ERBB4: variants seen among roughly 807,000 people sequenced by gnomAD.
ERBB4 encodes the protein erb-b2 receptor tyrosine kinase 4.
ERBB4 carries 42 observed loss-of-function variants against 158.0 expected under a neutral mutation model. The observed-to-expected ratio is 0.27, with a 90% confidence interval of 0.21 to 0.34. The LOEUF (loss-of-function observed/expected upper bound fraction) is 0.34, where lower values mean the gene tolerates loss of function less well. Ranked by LOEUF, ERBB4 falls within the 10% of genes least tolerant of loss-of-function variation. The pLI, the probability that ERBB4 is intolerant of heterozygous loss-of-function variation, is 1.00. For synonymous variants in ERBB4, 583 were observed against 558.7 expected (o/e 1.04, Z -0.61); for missense variants, 1,333 against 1,624.1 (o/e 0.82, Z 3.08).
chr2:211,499,301 G>A (rs956514205), intron 20 of ERBB4, among the ~76,000 whole-genome samples: 2 of 152,068 alleles, frequency 1.3e-5, no homozygotes, highest in East Asian at 1.9e-4. Context: ...GAGGCAGGTG[G>A]ATCACGAGGT....
intron 9 of ERBB4, among the ~76,000 whole-genome samples, chr2:211,711,077 A>T (rs2106076948): frequency 6.6e-6 from 1 of 152,194 alleles, no homozygotes; most frequent in African/African-American, 2.4e-5. Context: ...ATGGGGTGGC[A>T]GCTACATACA....
chr2:212,490,200 A>G (rs964233920), intron 1 of ERBB4, among the ~76,000 whole-genome samples: 1 of 151,828 alleles, frequency 6.6e-6, no homozygotes, highest in Admixed American at 6.6e-5. Flanking sequence ...TTTCACACGC[A>G]TATTTCTATT....
Position 212,306,716 on chromosome 2 carries a change from A to ATT in ERBB4, c.83-181815_83-181814dup, listed in dbSNP as rs5838315. Among the ~76,000 whole-genome samples, 975 of 149,944 alleles carry ATT rather than the reference A, an allele frequency of 6.5e-3. 8 individuals carry two copies. The highest frequency in any genetic ancestry group is 0.038 in the South Asian group (183 of 4,778). On this transcript the variant is annotated intron_variant, in intron 1 of 27. Coordinates refer to ENST00000342788, the MANE Select transcript of ERBB4 (RefSeq NM_005235.3). ...ACCCTAACATTTGGTGCTGCCACTT[A>ATT]TTTTTTTTTACTAGTGTTCTAATTT... is the stretch of plus-strand genomic sequence containing the variant.
intron 20 of ERBB4, among the ~76,000 whole-genome samples, chr2:211,486,912 CTT>C (rs1363855241): frequency 2.0e-5 from 3 of 151,950 alleles, no homozygotes; most frequent in Admixed American, 2.0e-4. Flanking sequence ...TACAGAGTGT[CTT>C]TGTATAGAAT....
At chr2:211,565,047 G>A (rs1574761516) in intron 19 of ERBB4, among the ~76,000 whole-genome samples, 1 of 152,144 alleles carries the variant, frequency 6.6e-6, no homozygotes, top group Non-Finnish European at 1.5e-5. Context: ...AGCTAAGAGG[G>A]GAGTGGATGA....
chr2:211,998,698 G>A (rs1270439383), intron 2 of ERBB4, among the ~76,000 whole-genome samples: 1 of 151,752 alleles, frequency 6.6e-6, no homozygotes, highest in East Asian at 1.9e-4. Flanking sequence ...AAATGTCAAT[G>A]GCCAACCTCA....
At position 212,506,044 on chromosome 2, in the gene ERBB4, C is replaced by T. The variant is rs368463454; in HGVS notation, c.82+32405G>A. Among the ~76,000 whole-genome samples the T allele has an allele frequency of 6.4e-4, 96 of 148,940 alleles. 2 individuals are homozygous for T. Among genetic ancestry groups the T allele is most frequent in the African/African-American group, 2.3e-3 (95 of 41,230 alleles). On this transcript the variant is annotated intron_variant, in intron 1 of 27. Transcript: ENST00000342788. ...TTTCCAACAACATATGTTAATTCTG[C>T]ATCTCTGGACACATAGAATTTTGTG...
At chr2:211,414,657 A>T (rs1021088425) in intron 25 of ERBB4, among the ~76,000 whole-genome samples, 16 of 152,096 alleles carry the variant, frequency 1.1e-4, no homozygotes, top group African/African-American at 3.9e-4. Flanking sequence ...CTTTCAGTTT[A>T]GTTTTTTTAT....
At chr2:212,085,297 T>C (rs2125477991) in intron 2 of ERBB4, among the ~76,000 whole-genome samples, 1 of 152,102 alleles carries the variant, frequency 6.6e-6, no homozygotes, top group East Asian at 1.9e-4. Flanking sequence ...GTAACATTAA[T>C]GAAAATTTTA....
intron 1 of ERBB4, among the ~76,000 whole-genome samples, chr2:212,502,461 T>C (rs1690949083): frequency 1.3e-5 from 2 of 152,004 alleles, no homozygotes; most frequent in South Asian, 2.1e-4. Context: ...AACAGAAGAG[T>C]AATCATTTAC....
At chr2:212,336,888 A>G (rs1292175926) in intron 1 of ERBB4, among the ~76,000 whole-genome samples, 6 of 152,044 alleles carry the variant, frequency 3.9e-5, no homozygotes, top group Admixed American at 2.0e-4. Context: ...CTAATAAAAT[A>G]TAGATTTTGA....
intron 1 of ERBB4, among the ~76,000 whole-genome samples, chr2:212,317,832 T>TG (rs1050069493): frequency 1.9e-5 from 1 of 53,448 alleles, no homozygotes; most frequent in Non-Finnish European, 7.9e-5. Flanking sequence ...CTGTCTACAA[T>TG]GAAAAAAAAT....
intron 1 of ERBB4, among the ~76,000 whole-genome samples, chr2:212,265,348 A>C (rs1211817820): frequency 6.6e-6 from 1 of 152,120 alleles, no homozygotes; most frequent in Non-Finnish European, 1.5e-5. Flanking sequence ...AAGAAGGTGA[A>C]TTATTGTACA....
chr2:212,010,815 G>A (rs7595560), intron 2 of ERBB4, among the ~76,000 whole-genome samples: 2 of 151,740 alleles, frequency 1.3e-5, no homozygotes, highest in Non-Finnish European at 2.9e-5. Flanking sequence ...ACTCCCAGAG[G>A]GGCCGTTTAT....
At chr2:211,630,329 G>A (rs1010911005) in intron 17 of ERBB4, 133 bp downstream of exon 17, 11 of 1,002,158 alleles carry the variant, frequency 1.1e-5, no homozygotes, top group African/African-American at 4.9e-5. Flanking sequence ...TTTGTTTAAC[G>A]GACTATAAAA....
At chr2:211,773,642 AT>A (rs2075792641) in intron 4 of ERBB4, among the ~76,000 whole-genome samples, 4 of 89,258 alleles carry the variant, frequency 4.5e-5, no homozygotes, top group East Asian at 5.3e-4. Flanking sequence ...ATATATATAT[AT>A]ATATAATATA....
intron 4 of ERBB4, among the ~76,000 whole-genome samples, chr2:211,762,289 G>A (rs1037448159): frequency 6.6e-6 from 1 of 152,162 alleles, no homozygotes; most frequent in African/African-American, 2.4e-5. Flanking sequence ...ACCCCTTAGA[G>A]GCTTTCGCAG....
chr2:212,272,231 C>T (rs2085368416), intron 1 of ERBB4, among the ~76,000 whole-genome samples: 1 of 151,652 alleles, frequency 6.6e-6, no homozygotes. Flanking sequence ...TAATTTAATC[C>T]TGACATATAG....
intron 2 of ERBB4, among the ~76,000 whole-genome samples, chr2:212,060,577 T>A (rs1488503711): frequency 1.5e-5 from 1 of 68,252 alleles, no homozygotes; most frequent in Non-Finnish European, 4.3e-5. Flanking sequence ...CCATCAATGA[T>A]AGACTGGATT....
Sources: allele counts gnomAD v4.1 joint callset (sites outside exome capture counted in the v4.1 genomes callset), GRCh38; gene constraint gnomAD v4.1.1; transcripts MANE v1.5; gene names NCBI Gene and HGNC (gene_info 2026-07-23, HGNC 2026-07-21).